Variants in RASGRF1 observed in about 807,000 individuals in gnomAD.
RASGRF1 encodes ras-specific guanine nucleotide-releasing factor 1.
In RASGRF1, 40 loss-of-function variants were observed where a neutral mutation model predicts 138.7. That is an observed-to-expected ratio of 0.29 (90% CI 0.22 to 0.38). The LOEUF is 0.38. Among genes scored for constraint, RASGRF1 ranks in the 10% least tolerant of loss-of-function variants. The pLI is 1.00. For missense variants in RASGRF1, 1,108 were observed against 1,650.4 expected, an observed-to-expected ratio of 0.67 and a Z score of 5.69; for synonymous variants, 614 against 663.2, an observed-to-expected ratio of 0.93 and a Z score of 1.14.
At chr15:79,083,223 CCTCT>C (rs2057936393) in intron 1 of RASGRF1, among the ~76,000 whole-genome samples, 1 of 152,218 alleles carries the variant, frequency 6.6e-6, no homozygotes, top group South Asian at 2.1e-4. Context: ...GCTGTACTCT[CCTCT>C]CTGAGTCGGG....
In RASGRF1 at chr15:79,006,355, G is replaced by A; in HGVS notation, c.1906C>T (p.Arg636Cys). Reference protein sequence around the residue: ...TMNSCKVLQIRYASVERLLER... With the variant: ...TMNSCKVLQICYASVERLLER... ...AGCAGCCGCTCCACACTGGCGTAGC[G>A]GATCTGCAGCACTTTGCAGGAGTTC... The change falls in exon 14 of 27, where the codon CGC (arginine) becomes TGC (cysteine). Residue 636 changes from arginine to cysteine, a missense_variant. Physicochemically the swap from Arg to Cys is radical, Grantham distance 180. Coordinates refer to ENST00000558480, the MANE Select transcript of RASGRF1 (RefSeq NM_001145648.3). The surrounding 1 kb of genome is among the most constrained non-coding windows in gnomAD (Gnocchi z 4.0). 3 of 1,614,202 alleles carry A rather than the reference G, an allele frequency of 1.9e-6. No individual in the cohort carries two copies. The highest frequency in any genetic ancestry group is 2.5e-6 in the Non-Finnish European group (3 of 1,180,046).
chr15:79,019,763 A>G (rs2056932237), intron 11 of RASGRF1, among the ~76,000 whole-genome samples: 1 of 152,230 alleles, frequency 6.6e-6, no homozygotes, highest in African/African-American at 2.4e-5. Context: ...CGAACCAGGA[A>G]GGTGGATCAG....
At chr15:79,005,737 C>CAA in intron 14 of RASGRF1, 1 of 604,044 alleles carries the variant, frequency 1.7e-6, no homozygotes, top group Non-Finnish European at 2.1e-6. Flanking sequence ...CTCCCTCCCT[C>CAA]CCTCCCTCCC....
chr15:79,055,592 ACT>A (rs796615394), intron 3 of RASGRF1, among the ~76,000 whole-genome samples: 6,000 of 151,508 alleles, frequency 0.04, 388 homozygotes, highest in African/African-American at 0.14. Flanking sequence ...ACACACACAC[ACT>A]CTCTCACTCA....
chr15:79,059,752 C>G (rs961189718), intron 2 of RASGRF1, among the ~76,000 whole-genome samples: 1 of 152,072 alleles, frequency 6.6e-6, no homozygotes, highest in Non-Finnish European at 1.5e-5. Flanking sequence ...AACACACACC[C>G]CCCACAGAGG....
At chr15:79,040,252 A>C (rs1444504918) in intron 5 of RASGRF1, among the ~76,000 whole-genome samples, 1 of 151,388 alleles carries the variant, frequency 6.6e-6, no homozygotes, top group Non-Finnish European at 1.5e-5. Flanking sequence ...CTTCATCCCT[A>C]TATCTACTCC....
intron 15 of RASGRF1, among the ~76,000 whole-genome samples, chr15:79,002,244 C>T (rs920113013): frequency 2.6e-5 from 4 of 152,158 alleles, no homozygotes; most frequent in Non-Finnish European, 4.4e-5. Flanking sequence ...TAACCTATTG[C>T]CGCGTGCCCC....
rs945140417 is a variant in RASGRF1 at position 79,006,814 on chromosome 15, C to T, written c.1827-380G>A. Among the ~76,000 whole-genome samples the T allele has an allele frequency of 6.6e-6, 1 of 152,120 alleles. No individual in the cohort carries two copies. On this transcript the variant is annotated intron_variant, in intron 13 of 26. Coordinates refer to ENST00000558480, the MANE Select transcript of RASGRF1 (RefSeq NM_001145648.3). The surrounding 1 kb of genome is among the most constrained non-coding windows in gnomAD (Gnocchi z 4.0). Reference sequence around the variant, plus strand: ...ATCACTTGAGGTCAGGAGCTCAAGACCAGCCTGGGCAACATGGCGAAACCC... The same window carrying T: ...ATCACTTGAGGTCAGGAGCTCAAGATCAGCCTGGGCAACATGGCGAAACCC...
chr15:79,072,074 A>C (rs1290690582), intron 1 of RASGRF1, among the ~76,000 whole-genome samples: 1 of 152,026 alleles, frequency 6.6e-6, no homozygotes, highest in Non-Finnish European at 1.5e-5. Flanking sequence ...TTAGGGAGGA[A>C]GGAGGAGTCA....
intron 20 of RASGRF1, among the ~76,000 whole-genome samples, chr15:78,994,430 C>A (rs547653214): frequency 6.6e-6 from 1 of 152,234 alleles, no homozygotes; most frequent in Non-Finnish European, 1.5e-5. Context: ...CAAGTCCTCA[C>A]GCTGGCTACT....
intron 9 of RASGRF1, among the ~76,000 whole-genome samples, chr15:79,025,926 T>TAA (rs11328006): frequency 7.0e-6 from 1 of 143,350 alleles, no homozygotes; most frequent in Non-Finnish European, 1.5e-5. Context: ...TACTAAGATT[T>TAA]AAAAAAAAAA....
At chr15:79,055,571 G>GACAC (rs143472188) in intron 3 of RASGRF1, among the ~76,000 whole-genome samples, 68 of 149,590 alleles carry the variant, frequency 4.5e-4, no homozygotes, top group East Asian at 2.6e-3. Flanking sequence ...GCCATTTTGA[G>GACAC]ACACACACAC....
rs2058043887 is a variant in RASGRF1 at position 79,090,624 on chromosome 15, C to T, written c.-126G>A. The T allele has an allele frequency of 7.6e-7, 1 of 1,322,050 alleles. No individual in the cohort carries two copies. The highest frequency in any genetic ancestry group is 1.0e-6 in the Non-Finnish European group (1 of 965,228). The allele number at this position is 1,322,050 out of a possible 1,614,324, so 81.9% of individuals were successfully genotyped here. ...GCTCGCTCCCTCTAGCTCTCCCCTC[C>T]CCCCAAATATCTACACTCCAGGATC... On this transcript the variant is annotated 5_prime_UTR_variant, in exon 1 of 27. Transcript: ENST00000558480.
chr15:79,015,531 G>A (rs977835635), intron 12 of RASGRF1, 122 bp from the exon 13 acceptor site: 3 of 876,814 alleles, frequency 3.4e-6, no homozygotes, highest in Non-Finnish European at 1.8e-6. Context: ...CAAGCTTCAA[G>A]GGCATTGTCC....
At chr15:79,015,447 C>T (rs1595904888) in intron 12 of RASGRF1, 38 bp from the exon 13 acceptor site, 1 of 1,567,562 alleles carries the variant, frequency 6.4e-7, no homozygotes, top group Middle Eastern at 1.7e-4. Context: ...CAGAGCTCTC[C>T]ATTCCTGGAC....
chr15:79,007,021 T>A (rs1454458680), intron 13 of RASGRF1, among the ~76,000 whole-genome samples: 1 of 152,032 alleles, frequency 6.6e-6, no homozygotes, highest in African/African-American at 2.4e-5. Flanking sequence ...CAAAAAAAAA[T>A]ATGTGTACAT....
intron 1 of RASGRF1, among the ~76,000 whole-genome samples, chr15:79,087,298 A>T (rs2057994152): frequency 6.6e-6 from 1 of 152,248 alleles, no homozygotes; most frequent in Admixed American, 6.5e-5. Flanking sequence ...TGGAATTAAC[A>T]TATGATAGGC....
chr15:79,001,930 C>T (rs1043550220), intron 15 of RASGRF1, 143 bp from the exon 16 acceptor site: 11 of 512,172 alleles, frequency 2.1e-5, no homozygotes, highest in Non-Finnish European at 2.6e-5. Context: ...AGTTTAACAG[C>T]TTTGTTTCCC....
rs148974934 is a variant in RASGRF1, at chr15:78,991,839, C to G, written c.3028-45G>C. 10 of 1,492,610 alleles carry G rather than the reference C, an allele frequency of 6.7e-6. No individual in the cohort carries two copies. In the African/African-American group the frequency reaches 1.2e-4, roughly 19 times the overall value. 92.5% of individuals were successfully genotyped at this position (1,492,610 alleles called of 1,614,324 possible). The stretch of plus-strand genomic sequence containing the variant: ...GCAACATTTTGAGTTAGGCCCATGA[C>G]GGACACCTCCTGGATTCCCAGCTGC... On this transcript the variant is annotated intron_variant, in intron 20 of 26. Coordinates refer to ENST00000558480, the MANE Select transcript of RASGRF1 (RefSeq NM_001145648.3).
Sources: gnomAD v4.1 joint callset for allele counts (sites outside exome capture counted in the v4.1 genomes callset) on GRCh38, gnomAD v4.1.1 for gene constraint, Gnocchi (gnomAD v3.1) non-coding constraint, MANE v1.5 for transcripts, NCBI Gene and HGNC (gene_info 2026-07-23, HGNC 2026-07-21) for gene names.